Variants in DDB2 observed in about 807,000 individuals in gnomAD.
DDB2 encodes DNA damage-binding protein 2.
A neutral mutation model predicts 50.5 loss-of-function variants in DDB2; 27 were observed. That is an observed-to-expected ratio of 0.53 (90% CI 0.39 to 0.74). The LOEUF (loss-of-function observed/expected upper bound fraction) is 0.74, where lower values mean the gene tolerates loss of function less well. DDB2 is among the 30% of genes least tolerant of loss of function. DDB2 has a pLI of 0.00. For missense variants in DDB2, 424 were observed against 545.6 expected (o/e 0.78, Z 2.22); for synonymous variants, 176 against 205.5 (o/e 0.86, Z 1.23).
At chr11:47,214,864 G>C (rs544887330), upstream of DDB2, 16 of 502,392 alleles carry the variant, frequency 3.2e-5, no homozygotes, top group East Asian at 5.4e-4. Context: ...CGCAGTTCCC[G>C]CCCCTCCCGG....
Position 47,234,993 on chromosome 11 carries a change from G to A in DDB2, c.880+59G>A. The A allele has an allele frequency of 4.4e-6, 7 of 1,586,534 alleles. No individual in the cohort carries two copies. In the African/African-American group the frequency reaches 6.7e-5, roughly 15 times the overall value. On this transcript the variant is annotated intron_variant, in intron 6 of 9. Coordinates refer to ENST00000256996, the MANE Select transcript of DDB2 (RefSeq NM_000107.3). ...CCCTGCCTGTCTGACCACTGCTGGG[G>A]TTTTCCCTCAGTGTGGAAGCCACTA...
intron 3 of DDB2, among the ~76,000 whole-genome samples, chr11:47,225,377 G>T (rs1953543405): frequency 6.6e-6 from 1 of 151,706 alleles, no homozygotes; most frequent in African/African-American, 2.4e-5. Flanking sequence ...CGGATCACAA[G>T]GTCAGGAGAT....
intron 1 of DDB2, chr11:47,216,107 C>A: frequency 1.5e-6 from 1 of 674,406 alleles, no homozygotes; most frequent in Non-Finnish European, 2.7e-6. Context: ...ACTGTATTTA[C>A]TTTCACTTCA....
At chr11:47,217,457 T>A (rs1193628019) in intron 3 of DDB2, 1 of 154,008 alleles carries the variant, frequency 6.5e-6, no homozygotes, top group Non-Finnish European at 1.4e-5. Context: ...ATTGATGTCA[T>A]CCAGTAATCA....
rs760606007 is a variant in DDB2 at position 47,215,143 on chromosome 11, C to T, written c.7C>T (p.Pro3Ser). Residue 3 changes from proline to serine, a missense_variant, in exon 1 of 10, where the codon CCC becomes TCC. Coordinates refer to ENST00000256996, the MANE Select transcript of DDB2 (RefSeq NM_000107.3). ...CCTTCACACGGAGGACGCGATGGCT[C>T]CCAAGAAACGCCCAGAAACCCAGAA... MA[P>S]KKRPETQKTS... is the part of the protein sequence containing the mutation. The T allele has an allele frequency of 1.2e-6, 2 of 1,614,078 alleles. No individual in the cohort carries two copies. Among genetic ancestry groups the T allele is most frequent in the South Asian group, 2.2e-5 (2 of 91,078 alleles).
At chr11:47,215,295 C>T (rs1423198679) in intron 1 of DDB2, 32 bp downstream of exon 1, 9 of 1,613,260 alleles carry the variant, frequency 5.6e-6, no homozygotes, top group African/African-American at 1.3e-5. Context: ...TGAATATTTC[C>T]GCCTTTTAGG....
intron 7 of DDB2, among the ~76,000 whole-genome samples, chr11:47,237,088 T>C (rs978972976): frequency 6.6e-6 from 1 of 152,176 alleles, no homozygotes; most frequent in Non-Finnish European, 1.5e-5. Flanking sequence ...CATTAGCAAT[T>C]TTACACTCAG....
chr11:47,228,715 G>A (rs1311142884), intron 3 of DDB2, among the ~76,000 whole-genome samples: 2 of 150,146 alleles, frequency 1.3e-5, no homozygotes, highest in Non-Finnish European at 3.0e-5. Context: ...CATGACTGTT[G>A]GGAGGCCGAG....
intron 9 of DDB2, among the ~76,000 whole-genome samples, chr11:47,238,555 C>A (rs1462478261): frequency 6.6e-6 from 1 of 152,138 alleles, no homozygotes; most frequent in African/African-American, 2.4e-5. Context: ...CCCGCTACCA[C>A]GCCCAGCTAA....
intron 3 of DDB2, among the ~76,000 whole-genome samples, chr11:47,224,353 C>T (rs556596767): frequency 6.6e-6 from 1 of 152,030 alleles, no homozygotes; most frequent in Non-Finnish European, 1.5e-5. Flanking sequence ...CTCAGCCTCC[C>T]GAGTAGCTGG....
intron 9 of DDB2, 31 bp downstream of exon 9, chr11:47,238,214 C>G (rs751239207): frequency 6.3e-6 from 10 of 1,585,532 alleles, no homozygotes; most frequent in Non-Finnish European, 8.6e-6. Context: ...TCTGACTTGC[C>G]AAGTCCGATC....
rs1182366447 is a variant in DDB2, at chr11:47,226,279, T to TTTC, written c.457-6533_457-6532insCTT. Among the ~76,000 whole-genome samples the TTTC allele has an allele frequency of 2.2e-4, 17 of 76,184 alleles. No homozygotes were observed. In the East Asian group the frequency reaches 2.4e-3, roughly 11 times the overall value. The allele number at this position is 76,184 out of a possible 152,430, so 50.0% of individuals were successfully genotyped here. On this transcript the variant is annotated intron_variant, in intron 3 of 9. Transcript: ENST00000256996. ...TACTTCCCCACCAACATTTATTTTC[T>TTTC]TTTTTTTTTTTTTTGAGATGAAGTC...
chr11:47,234,544 G>T (rs1028976652), intron 4 of DDB2, 29 bp from the exon 5 acceptor site: 3 of 1,593,608 alleles, frequency 1.9e-6, no homozygotes, highest in African/African-American at 2.7e-5. Flanking sequence ...CTGTCCCCAA[G>T]AATCTTACAA....
intron 3 of DDB2, chr11:47,220,777 T>C (rs544742902): frequency 4.1e-4 from 62 of 152,380 alleles, no homozygotes; most frequent in African/African-American, 1.4e-3. Context: ...TGACCTTGGC[T>C]GTGACCTTTA....
chr11:47,215,488 G>A (rs149448905), intron 1 of DDB2: 54 of 587,544 alleles, frequency 9.2e-5, no homozygotes, highest in African/African-American at 7.6e-4. Context: ...ACAGACACAC[G>A]GACTTGTCAG....
Position 47,217,041 on chromosome 11 carries a change from A to T in DDB2, c.448A>T (p.Ile150Phe), listed in dbSNP as rs1258455499. 6.2e-7 allele frequency: 1 copy of T among 1,613,922 alleles called. No individual in the cohort carries two copies. The change falls in exon 3 of 10, where the codon ATC becomes TTC. Residue 150 changes from isoleucine (I) to phenylalanine (F), a missense_variant. By Grantham distance (21) the Ile-to-Phe change is conservative (BLOSUM62 0). Coordinates refer to ENST00000256996, the MANE Select transcript of DDB2 (RefSeq NM_000107.3). ...TGGCATCAAGGACAAACCCACCTTC[A>T]TCAAAGGGGTGAGCAGTTCCCCATG... is the stretch of plus-strand genomic sequence containing the variant. The part of the protein sequence containing the change: ...NFGIKDKPTF[I>F]KGIGAGGSIT...
intron 1 of DDB2, chr11:47,215,838 T>G (rs1953393057): frequency 3.7e-6 from 1 of 267,670 alleles, no homozygotes; most frequent in Non-Finnish European, 7.3e-6. Context: ...CAGGAGTTGT[T>G]GCTTTATTGC....
Position 47,235,332 on chromosome 11 carries a change from T to C in DDB2, c.943T>C (p.Tyr315His). 1.9e-6 allele frequency: 3 copies of C among 1,614,208 alleles called. No individual in the cohort carries two copies. Among genetic ancestry groups the C allele is most frequent in the Non-Finnish European group, 2.5e-6 (3 of 1,180,042 alleles). ...TTDQKSEIRV[Y>H]SASQWDCPLG... ...GGACCAGAAGAGCGAGATCCGAGTT[T>C]ACTCTGCTTCCCAGTGGGACTGCCC... Residue 315 changes from tyrosine to histidine, a missense_variant, in exon 7 of 10, where the codon TAC (tyrosine) becomes CAC (histidine). Physicochemically the swap from Tyr to His is moderately conservative, Grantham distance 83. Coordinates refer to ENST00000256996, the MANE Select transcript of DDB2 (RefSeq NM_000107.3).
chr11:47,223,435 A>G (rs1953514389), intron 3 of DDB2, among the ~76,000 whole-genome samples: 1 of 151,744 alleles, frequency 6.6e-6, no homozygotes, highest in Non-Finnish European at 1.5e-5. Context: ...GTGAGCCGAG[A>G]TGGTGTCACT....
Sources: allele counts gnomAD v4.1 joint callset (sites outside exome capture counted in the v4.1 genomes callset), GRCh38; gene constraint gnomAD v4.1.1; transcripts MANE v1.5; gene names NCBI Gene and HGNC (gene_info 2026-07-23, HGNC 2026-07-21).